Variants in DPP10 observed in about 807,000 individuals in gnomAD.
The protein encoded by DPP10 is inactive dipeptidyl peptidase 10.
In DPP10, 33 loss-of-function variants were observed where a neutral mutation model predicts 120.9. The ratio of observed to expected loss-of-function variants is 0.27; its 90% CI spans 0.21 to 0.37. DPP10 has a LOEUF of 0.37. Ranked by LOEUF, DPP10 falls within the 10% of genes least tolerant of loss-of-function variation. The probability of loss-of-function intolerance (pLI) is 1.00; values close to 1 mark genes in which losing one functional copy is unlikely to be tolerated. For synonymous variants in DPP10, 337 were observed against 326.1 expected (o/e 1.03, Z -0.36); for missense variants, 816 against 942.8 (o/e 0.87, Z 1.76).
chr2:115,260,719 T>A (rs531156365), intron 1 of DPP10, among the ~76,000 whole-genome samples: 1 of 152,360 alleles, frequency 6.6e-6, no homozygotes, highest in South Asian at 2.1e-4. Flanking sequence ...ATTTTAGTGC[T>A]ATTTTCTAGT....
At chr2:115,813,681 A>G (rs17045057) in intron 19 of DPP10, among the ~76,000 whole-genome samples, 2,782 of 152,288 alleles carry the variant, frequency 0.018, 89 homozygotes, top group African/African-American at 0.061. Context: ...AGGATTCCAC[A>G]CAACCCCTGT....
intron 21 of DPP10, among the ~76,000 whole-genome samples, chr2:115,829,250 A>G (rs1380061066): frequency 2.6e-5 from 4 of 152,146 alleles, no homozygotes; most frequent in Non-Finnish European, 5.9e-5. Context: ...TTACTTATAT[A>G]GTTTCAAATA....
intron 1 of DPP10, among the ~76,000 whole-genome samples, chr2:114,957,123 T>C (rs903493650): frequency 9.3e-5 from 14 of 150,616 alleles, no homozygotes; most frequent in African/African-American, 3.4e-4. Flanking sequence ...GCAAAGGAAA[T>C]AATAGAGTGA....
At chr2:115,410,861 C>A (rs1167286216) in intron 3 of DPP10, among the ~76,000 whole-genome samples, 1 of 152,098 alleles carries the variant, frequency 6.6e-6, no homozygotes, top group Non-Finnish European at 1.5e-5. Flanking sequence ...ATTTAAACAT[C>A]ATTTTAATAG....
At chr2:115,339,348 A>T in intron 2 of DPP10, among the ~76,000 whole-genome samples, 1 of 152,190 alleles carries the variant, frequency 6.6e-6, no homozygotes, top group African/African-American at 2.4e-5. Flanking sequence ...TCATTTATAC[A>T]TTGCTGGTGA....
At chr2:115,336,577 CTCTCTGTCTCTCTCTCTCTCTCTA>C (rs2063145591) in intron 2 of DPP10, among the ~76,000 whole-genome samples, 1 of 148,708 alleles carries the variant, frequency 6.7e-6, no homozygotes, top group Non-Finnish European at 1.5e-5. Flanking sequence ...CTCTCTCTCT[CTCTCTGTCTCTCTCTCTCTCTCTA>C]TATATATATA....
chr2:115,217,988 G>A (rs1001850812), intron 1 of DPP10, among the ~76,000 whole-genome samples: 2 of 152,070 alleles, frequency 1.3e-5, no homozygotes, highest in South Asian at 2.1e-4. Flanking sequence ...GTCATTAACT[G>A]ATTTTGTCTC....
chr2:114,921,010 G>C (rs1244918223), intron 1 of DPP10, among the ~76,000 whole-genome samples: 1 of 152,082 alleles, frequency 6.6e-6, no homozygotes, highest in Non-Finnish European at 1.5e-5. Context: ...GCTTGAGAAT[G>C]AACCAGCATT....
intron 1 of DPP10, among the ~76,000 whole-genome samples, chr2:114,896,968 G>A (rs866109320): frequency 5.4e-4 from 82 of 152,304 alleles, no homozygotes; most frequent in African/African-American, 1.9e-3. Flanking sequence ...TTTGTCAAAA[G>A]CCTTTTCTGC....
intron 5 of DPP10, among the ~76,000 whole-genome samples, chr2:115,634,370 C>T (rs1481743110): frequency 2.0e-5 from 3 of 152,094 alleles, no homozygotes; most frequent in South Asian, 2.1e-4. Flanking sequence ...AGCTGCTGAC[C>T]TTTGGATGGG....
At chr2:114,461,363 G>A (rs1678905339) in intron 1 of DPP10, among the ~76,000 whole-genome samples, 1 of 152,146 alleles carries the variant, frequency 6.6e-6, no homozygotes, top group Non-Finnish European at 1.5e-5. Flanking sequence ...GTTGCAGGGG[G>A]AAATAAAGAG....
At chr2:114,442,960 A>G in intron 1 of DPP10, 122 bp downstream of exon 1, 1 of 1,240,728 alleles carries the variant, frequency 8.1e-7, no homozygotes, top group Non-Finnish European at 1.1e-6. Flanking sequence ...GTTTGAATTG[A>G]AGGTTGAGTC....
At chr2:114,955,503 T>C (rs1464105457) in intron 1 of DPP10, among the ~76,000 whole-genome samples, 1 of 152,186 alleles carries the variant, frequency 6.6e-6, no homozygotes, top group Non-Finnish European at 1.5e-5. Context: ...CACAGCCGAA[T>C]TCTACCAAAC....
chr2:115,227,680 A>C (rs1477633835), intron 1 of DPP10, among the ~76,000 whole-genome samples: 2 of 152,168 alleles, frequency 1.3e-5, no homozygotes, highest in Non-Finnish European at 2.9e-5. Flanking sequence ...GTAGCCTTTC[A>C]GGATTGGTTT....
At chr2:115,472,338 C>A (rs1031462956) in intron 3 of DPP10, among the ~76,000 whole-genome samples, 1 of 151,736 alleles carries the variant, frequency 6.6e-6, no homozygotes, top group African/African-American at 2.4e-5. Context: ...CATTAGAAGT[C>A]GAATATGAAC....
At chr2:115,124,995 C>T (rs577021443) in intron 1 of DPP10, among the ~76,000 whole-genome samples, 61 of 152,280 alleles carry the variant, frequency 4.0e-4, no homozygotes, top group Non-Finnish European at 7.4e-4. Flanking sequence ...TAAAACCAGA[C>T]TCCATGCAGC....
intron 1 of DPP10, among the ~76,000 whole-genome samples, chr2:114,934,664 C>T (rs1401678495): frequency 6.6e-6 from 1 of 151,646 alleles, no homozygotes; most frequent in African/African-American, 2.4e-5. Context: ...TCGGTTTAGA[C>T]TACAAAGGGC....
intron 11 of DPP10, among the ~76,000 whole-genome samples, chr2:115,756,278 A>G (rs1679397509): frequency 6.6e-6 from 1 of 152,152 alleles, no homozygotes; most frequent in African/African-American, 2.4e-5. Context: ...TGAAGGTTGA[A>G]TGTGGTTAAT....
intron 3 of DPP10, among the ~76,000 whole-genome samples, chr2:115,492,971 T>G (rs1055536029): frequency 2.2e-4 from 34 of 152,152 alleles, no homozygotes; most frequent in Middle Eastern, 3.2e-3. Flanking sequence ...TATTTATTAG[T>G]GGGCATTGTA....
Sources: gnomAD v4.1 joint callset for allele counts (sites outside exome capture counted in the v4.1 genomes callset) on GRCh38, gnomAD v4.1.1 for gene constraint, MANE v1.5 for transcripts, NCBI Gene and HGNC (gene_info 2026-07-23, HGNC 2026-07-21) for gene names.